The following NT5C2 variants were observed in gnomAD, a reference collection of about 807,000 sequenced individuals.
NT5C2 encodes 5'-nucleotidase, cytosolic II.
A neutral mutation model predicts 76.1 loss-of-function variants in NT5C2; 58 were observed. The ratio of observed to expected loss-of-function variants is 0.76; its 90% CI spans 0.62 to 0.95. The LOEUF is 0.95. NT5C2 is among the 40% of genes least tolerant of loss of function. The pLI is 0.00. For missense variants in NT5C2, 478 were observed against 690.3 expected, an observed-to-expected ratio of 0.69 and a Z score of 3.45; for synonymous variants, 229 against 237.4, an observed-to-expected ratio of 0.96 and a Z score of 0.32.
At chr10:103,149,699 G>A (rs1295757090) in intron 3 of NT5C2, among the ~76,000 whole-genome samples, 1 of 152,040 alleles carries the variant, frequency 6.6e-6, no homozygotes, top group Non-Finnish European at 1.5e-5. Flanking sequence ...CTGTGAGATA[G>A]AAATTAGAGA....
At position 103,193,272 on chromosome 10, in the gene NT5C2, T is replaced by A. The variant is rs890908070; in HGVS notation, c.-205A>T. ...CACCGCAACAATCCCAGCGCGCAAC[T>A]GCCGCAGCCGCCTCAACGCGCGCCC... On this transcript the variant is annotated 5_prime_UTR_variant, in exon 1 of 19. Coordinates refer to ENST00000404739, the MANE Select transcript of NT5C2 (RefSeq NM_001351169.2). 6.0e-5 allele frequency: 9 copies of A among 151,014 alleles called. No individual in the cohort carries two copies. Among genetic ancestry groups the A allele is most frequent in the African/African-American group, 1.9e-4 (8 of 41,106 alleles). 9.4% of individuals were successfully genotyped at this position (151,014 alleles called of 1,614,324 possible).
At position 103,089,053 on chromosome 10, in the gene NT5C2, T is replaced by C. The variant is rs533619926; in HGVS notation, c.*619A>G. The C allele has an allele frequency of 4.6e-6, 1 of 219,204 alleles. No individual in the cohort carries two copies. The highest frequency in any genetic ancestry group is 5.8e-5 in the Admixed American group (1 of 17,332). The allele number at this position is 219,204 out of a possible 1,614,324, so 13.6% of individuals were successfully genotyped here. A position where few individuals can be genotyped will look rare whatever the true frequency, so the allele number is the denominator to read the frequency against. On this transcript the variant is annotated 3_prime_UTR_variant, in exon 19 of 19. Transcript: ENST00000404739. The stretch of plus-strand genomic sequence containing the variant: ...AAAAGGTAATAAGGATACTGTCTTT[T>C]CCCTCAAAATAGAATCCTGCCCTAA...
At chr10:103,188,118 A>T (rs1003632490) in intron 1 of NT5C2, among the ~76,000 whole-genome samples, 3 of 152,220 alleles carry the variant, frequency 2.0e-5, no homozygotes, top group African/African-American at 7.2e-5. Flanking sequence ...ATGCTTTGGG[A>T]GGCCGAGGCA....
chr10:103,106,110 T>C (rs550904367), intron 5 of NT5C2, among the ~76,000 whole-genome samples: 3 of 152,352 alleles, frequency 2.0e-5, no homozygotes, highest in African/African-American at 7.2e-5. Context: ...GTCTTTTTTC[T>C]TGGACAACTG....
At chr10:103,183,285 A>ATTT (rs1220651383) in intron 1 of NT5C2, among the ~76,000 whole-genome samples, 3,177 of 129,660 alleles carry the variant, frequency 0.025, 73 homozygotes, top group East Asian at 0.048. Context: ...ATATATATAT[A>ATTT]TATATATATC....
chr10:103,186,911 T>TG (rs2092092226), intron 1 of NT5C2, among the ~76,000 whole-genome samples: 1 of 104,644 alleles, frequency 9.6e-6, no homozygotes, highest in South Asian at 3.0e-4. Flanking sequence ...AGACTCCGTC[T>TG]CAAAAAAAAA....
intron 4 of NT5C2, among the ~76,000 whole-genome samples, chr10:103,128,129 G>A (rs1406235540): frequency 2.7e-5 from 4 of 148,592 alleles, no homozygotes; most frequent in South Asian, 2.3e-4. Context: ...ATGCGGAGCC[G>A]AAGCTGGACT....
At chr10:103,097,699 TG>T (rs2068543332) in intron 10 of NT5C2, among the ~76,000 whole-genome samples, 1 of 152,200 alleles carries the variant, frequency 6.6e-6, no homozygotes. Context: ...TGAGATTTCT[TG>T]AAGTATGTGA....
intron 3 of NT5C2, chr10:103,146,448 T>TA (rs1474171412): frequency 1.0e-6 from 1 of 985,198 alleles, no homozygotes; most frequent in Non-Finnish European, 1.2e-6. Flanking sequence ...CTTGCATAAT[T>TA]ACACATTGAA....
intron 3 of NT5C2, among the ~76,000 whole-genome samples, chr10:103,159,355 A>T (rs2084241711): frequency 6.6e-6 from 1 of 152,096 alleles, no homozygotes; most frequent in Admixed American, 6.6e-5. Flanking sequence ...ACAAAAAACC[A>T]GTTGTGTTTC....
At chr10:103,091,710 G>C (rs765332610) in intron 15 of NT5C2, 95 bp from the exon 16 acceptor site, 3 of 1,006,722 alleles carry the variant, frequency 3.0e-6, no homozygotes, top group African/African-American at 3.2e-5. Context: ...GATGTGACTG[G>C]AAAGTAGAAC....
At chr10:103,176,941 T>C (rs899400792) in intron 2 of NT5C2, among the ~76,000 whole-genome samples, 2 of 152,150 alleles carry the variant, frequency 1.3e-5, no homozygotes, top group African/African-American at 4.8e-5. Context: ...AAACAACTTG[T>C]CTTTTCTTCT....
intron 4 of NT5C2, among the ~76,000 whole-genome samples, chr10:103,130,216 A>G (rs1256145049): frequency 6.6e-6 from 1 of 151,586 alleles, no homozygotes; most frequent in African/African-American, 2.4e-5. Flanking sequence ...ACTAAGAAAA[A>G]TTCCTCTGCC....
chr10:103,142,753 G>A (rs990096653), intron 3 of NT5C2, among the ~76,000 whole-genome samples: 48 of 152,166 alleles, frequency 3.2e-4, no homozygotes, highest in Admixed American at 2.0e-4. Context: ...GGGAGGCTGA[G>A]GCGGGTGGAT....
chr10:103,189,997 CTTTTTTT>C (rs1239145078), intron 1 of NT5C2, among the ~76,000 whole-genome samples: 3 of 108,048 alleles, frequency 2.8e-5, no homozygotes, highest in East Asian at 2.8e-4. Context: ...TTGTGGCTTT[CTTTTTTT>C]TTTTTTTTTT....
intron 2 of NT5C2, among the ~76,000 whole-genome samples, chr10:103,176,781 T>C (rs1402499197): frequency 1.2e-4 from 18 of 152,176 alleles, no homozygotes; most frequent in Non-Finnish European, 2.6e-4. Context: ...GTGCTGGGAT[T>C]ACAGTTGGGA....
intron 8 of NT5C2, 81 bp from the exon 9 acceptor site, chr10:103,100,100 CA>C (rs769726655): frequency 2.3e-6 from 2 of 861,722 alleles, no homozygotes; most frequent in Non-Finnish European, 3.8e-6. Flanking sequence ...CCAGGGGACC[CA>C]AAGGTTCCAT....
chr10:103,161,247 A>T (rs2084798908), intron 3 of NT5C2, among the ~76,000 whole-genome samples: 1 of 152,092 alleles, frequency 6.6e-6, no homozygotes, highest in African/African-American at 2.4e-5. Context: ...GCACAATCAT[A>T]GCTCACTGCC....
rs2079968308 is a variant in NT5C2 at position 103,139,497 on chromosome 10, A to T, written c.102-18T>A. 3 of 1,466,518 alleles carry T rather than the reference A, an allele frequency of 2.0e-6. No individual in the cohort carries two copies. The highest frequency in any genetic ancestry group is 2.8e-6 in the Non-Finnish European group (3 of 1,072,484). The allele number at this position is 1,466,518 out of a possible 1,614,324, so 90.8% of individuals were successfully genotyped here. On this transcript the variant is annotated intron_variant, in intron 3 of 18. Coordinates refer to ENST00000404739, the MANE Select transcript of NT5C2 (RefSeq NM_001351169.2). Reference sequence around the variant, plus strand: ...CAAACACCCTATAGAAAATAATAAAAAATAATATCTCAACACTGGAAAATA... The same window carrying T: ...CAAACACCCTATAGAAAATAATAAATAATAATATCTCAACACTGGAAAATA...
Sources: allele counts gnomAD v4.1 joint callset (sites outside exome capture counted in the v4.1 genomes callset), GRCh38; gene constraint gnomAD v4.1.1; transcripts MANE v1.5; gene names NCBI Gene and HGNC (gene_info 2026-07-23, HGNC 2026-07-21).